Variants in LTBP4 observed in about 807,000 individuals in gnomAD.
LTBP4 encodes latent-transforming growth factor beta-binding protein 4.
Under a neutral mutation model 180.2 loss-of-function variants are expected in LTBP4, and 93 were observed. That is an observed-to-expected ratio of 0.52 (90% confidence interval 0.44 to 0.61). LTBP4 has a LOEUF of 0.61. Ranked by LOEUF, LTBP4 falls within the 20% of genes least tolerant of loss-of-function variation. LTBP4 has a pLI of 0.00. For synonymous variants in LTBP4, 947 were observed against 934.5 expected (o/e 1.01, Z -0.24); for missense variants, 2,116 against 2,256.5 (o/e 0.94, Z 1.26).
At chr19:40,607,286 ATTCCCCTCTC>A in intron 6 of LTBP4, 69 bp from the exon 7 acceptor site, 8 of 324,226 alleles carry the variant, frequency 2.5e-5, no homozygotes, top group East Asian at 2.4e-4. Flanking sequence ...CCCCAGAACC[ATTCCCCTCTC>A]TCCCAAATCC....
At chr19:40,623,563 C>T (rs1430991300) in intron 24 of LTBP4, 41 bp from the exon 25 acceptor site, 1 of 1,593,732 alleles carries the variant, frequency 6.3e-7, no homozygotes, top group Non-Finnish European at 8.6e-7. Context: ...ACACTCCACC[C>T]ATCCAGCCCG....
At position 40,613,883 on chromosome 19, in the gene LTBP4, G is replaced by A. The variant is rs763688836; in HGVS notation, c.2558-33G>A. On this transcript the variant is annotated intron_variant, in intron 17 of 29. Transcript: ENST00000396819. The surrounding 1 kb of genome is among the most constrained non-coding windows in gnomAD (Gnocchi z 5.0). ...CCTAGAATGTTAGGCGGAGCGGGAG[G>A]TGGGCCGGGCCTTCGGACGCCCTGT... 1 of 1,612,848 alleles carries A rather than the reference G, an allele frequency of 6.2e-7. No individual in the cohort carries two copies. Among genetic ancestry groups the A allele is most frequent in the South Asian group, 1.1e-5 (1 of 91,026 alleles).
In LTBP4 at chr19:40,629,407, T is replaced by C. The variant is rs1433661708; in HGVS notation, c.4531T>C (p.Cys1511Arg). The change falls in exon 30 of 30, where the codon TGT (cysteine) becomes CGT (arginine). Residue 1511 changes from cysteine to arginine, a missense_variant. Transcript: ENST00000396819. The surrounding 1 kb of genome is among the most constrained non-coding windows in gnomAD (Gnocchi z 4.5). Reference protein sequence around the residue: ...TRMACVDINECDEAEAASPLC... With the variant: ...TRMACVDINERDEAEAASPLC... ...TCTCCCCTCCGCAGACATCAACGAG[T>C]GTGATGAGGCCGAGGCTGCCTCCCC... 3.1e-6 allele frequency: 5 copies of C among 1,612,902 alleles called. No individual in the cohort carries two copies. Among genetic ancestry groups the C allele is most frequent in the Non-Finnish European group, 4.2e-6 (5 of 1,179,608 alleles).
Position 40,611,465 on chromosome 19 carries a change from C to A in LTBP4, c.2053+71C>A, listed in dbSNP as rs1051826563. ...AGACTGGAGAGAGATTATTGAGGGG[C>A]AGAGAGGCAGAGTGATGGGGCTCAG... On this transcript the variant is annotated intron_variant, in intron 13 of 29. Coordinates refer to ENST00000396819, the MANE Select transcript of LTBP4 (RefSeq NM_001042545.2). The surrounding 1 kb of genome is among the most constrained non-coding windows in gnomAD (Gnocchi z 4.4). The A allele has an allele frequency of 3.3e-6, 5 of 1,530,688 alleles. No individual in the cohort carries two copies. The highest frequency in any genetic ancestry group is 4.4e-6 in the Non-Finnish European group (5 of 1,143,362). The allele number at this position is 1,530,688 out of a possible 1,614,324, so 94.8% of individuals were successfully genotyped here.
chr19:40,604,977 C>A (rs1387069183), intron 1 of LTBP4, 58 bp from the exon 2 acceptor site: 2 of 1,495,836 alleles, frequency 1.3e-6, no homozygotes, highest in Non-Finnish European at 1.8e-6. Flanking sequence ...GGAGTAGGGA[C>A]CCCAGGAGAA....
rs745497581 is a variant in LTBP4, at chr19:40,609,618, C to T, written c.1515C>T (p.Cys505=). 1.2e-6 allele frequency: 2 copies of T among 1,613,200 alleles called. No individual in the cohort carries two copies. The highest frequency in any genetic ancestry group is 1.7e-6 in the Non-Finnish European group (2 of 1,179,818). Residue 505 remains cysteine, a synonymous_variant, in exon 10 of 30, where the codon TGC becomes TGT. Transcript: ENST00000396819. The surrounding 1 kb of genome is among the most constrained non-coding windows in gnomAD (Gnocchi z 4.9). ...ISRPSGYTCA[C]DSGFRLSPQG... ...GGCCCAGCGGCTACACCTGCGCTTG[C>T]GACTCTGGCTTCCGGCTCAGCCCCC...
chr19:40,610,645 G>A lies in LTBP4; in HGVS notation c.1798G>A (p.Ala600Thr). 2 of 1,582,894 alleles carry A rather than the reference G, an allele frequency of 1.3e-6. No homozygotes were observed. Among genetic ancestry groups the A allele is most frequent in the South Asian group, 1.1e-5 (1 of 89,294 alleles). The change falls in exon 12 of 30, where the codon GCC becomes ACC. Residue 600 changes from alanine (A) to threonine (T), a missense_variant. Ala to Thr is a moderately conservative substitution (Grantham distance 58, BLOSUM62 0). This residue lies in a region of LTBP4 where 877 missense variants were observed against 873.6 expected (regional missense o/e 1.00). Coordinates refer to ENST00000396819, the MANE Select transcript of LTBP4 (RefSeq NM_001042545.2). Reference protein sequence around the residue: ...PAGYQAAPHGASCQDVDECTQ... With the variant: ...PAGYQAAPHGTSCQDVDECTQ... ...CGGGTACCAGGCTGCACCGCACGGA[G>A]CCAGCTGCCAGGGTGAGGGCCTGGG...
chr19:40,625,286 A>ATT lies in LTBP4; in HGVS notation c.3833-570_3833-569insTT, dbSNP rs2081620989. 7.2e-4 allele frequency among the ~76,000 whole-genome samples: 4 copies of ATT among 5,536 alleles called. 1 individual carries two copies. Among genetic ancestry groups the ATT allele is most frequent in the East Asian group, 5.6e-3 (2 of 356 alleles). 3.6% of individuals were successfully genotyped at this position (5,536 alleles called of 152,430 possible). On this transcript the variant is annotated intron_variant, in intron 26 of 29. Transcript: ENST00000396819. ...TATATATATATATATATATATATAT[A>ATT]TATATATATATATATATATATATAT...
chr19:40,626,071 C>T, intron 27 of LTBP4, 62 bp downstream of exon 27: 1 of 1,495,648 alleles, frequency 6.7e-7, no homozygotes, highest in South Asian at 1.3e-5. Flanking sequence ...AATCTAGGCC[C>T]TCAGATCCCC....
chr19:40,629,500 G>T lies in LTBP4; in HGVS notation c.4624G>T (p.Ala1542Ser). ...CCGCTGCATCTGCCGCCCGGGATTC[G>T]CACCCACGCACCAGCCGCACCACTG... ...SFRCICRPGFAPTHQPHHCAP... is the reference protein window; with the variant it reads ...SFRCICRPGFSPTHQPHHCAP... The change falls in exon 30 of 30, where the codon GCA (alanine) becomes TCA (serine). Residue 1542 changes from alanine to serine, a missense_variant. Ala to Ser is a moderately conservative substitution (Grantham distance 99). This residue lies in a region of LTBP4 where 488 missense variants were observed against 458.8 expected (regional missense o/e 1.06). Transcript: ENST00000396819. The surrounding 1 kb of genome is among the most constrained non-coding windows in gnomAD (Gnocchi z 4.5). 6.2e-7 allele frequency: 1 copy of T among 1,600,226 alleles called. No individual in the cohort carries two copies.
In LTBP4 at chr19:40,609,883, GC is replaced by G; in HGVS notation, c.1684+16del. ...TGCGGAATGCCTGGGTGAGAAATTT[GC>G]CCCACCCGGCTCCAGGCCCACCCCA... On this transcript the variant is annotated intron_variant, in intron 11 of 29. Transcript: ENST00000396819. This position sits in a 1 kb window ranked among gnomAD's most constrained non-coding sequence, Gnocchi z 4.9. The G allele has an allele frequency of 6.6e-7, 1 of 1,525,032 alleles. No individual in the cohort carries two copies. The highest frequency in any genetic ancestry group is 8.8e-7 in the Non-Finnish European group (1 of 1,133,002). The allele number at this position is 1,525,032 out of a possible 1,614,324, so 94.5% of individuals were successfully genotyped here. A position where few individuals can be genotyped will look rare whatever the true frequency, so the allele number is the denominator to read the frequency against.
Position 40,605,514 on chromosome 19 carries a change from G to A in LTBP4, c.552G>A (p.Ala184=), listed in dbSNP as rs779958782. The A allele has an allele frequency of 4.3e-6, 7 of 1,609,354 alleles. No individual in the cohort carries two copies. The highest frequency in any genetic ancestry group is 5.1e-6 in the Non-Finnish European group (6 of 1,178,644). ...CTTGGGAGGAGGCGGACGCTGAGGC[G>A]GTGGCGCGGGCGGAAGCGGCGGCGC... ...SGPWEEADAE[A]VARAEAAARA... The change falls in exon 3 of 30, where the codon GCG becomes GCA. Residue 184 remains alanine (A), a synonymous_variant. Transcript: ENST00000396819. This position sits in a 1 kb window ranked among gnomAD's most constrained non-coding sequence, Gnocchi z 5.5.
Position 40,613,872 on chromosome 19 carries a change from C to T in LTBP4, c.2558-44C>T, listed in dbSNP as rs763358116. The T allele has an allele frequency of 2.5e-6, 4 of 1,611,764 alleles. No homozygotes were observed. Among genetic ancestry groups the T allele is most frequent in the Admixed American group, 1.7e-5 (1 of 59,864 alleles). On this transcript the variant is annotated intron_variant, in intron 17 of 29. Coordinates refer to ENST00000396819, the MANE Select transcript of LTBP4 (RefSeq NM_001042545.2). This position sits in a 1 kb window ranked among gnomAD's most constrained non-coding sequence, Gnocchi z 5.0. ...GAGGGGTGTGGCCTAGAATGTTAGG[C>T]GGAGCGGGAGGTGGGCCGGGCCTTC...
chr19:40,605,216 C>T lies in LTBP4; in HGVS notation c.432C>T (p.Asp144=), dbSNP rs1186269209. 6.3e-7 allele frequency: 1 copy of T among 1,594,760 alleles called. No homozygotes were observed. The highest frequency in any genetic ancestry group is 1.8e-5 in the Admixed American group (1 of 56,898). The change falls in exon 2 of 30, where the codon GAC becomes GAT. Residue 144 remains aspartate, a synonymous_variant. Transcript: ENST00000396819. This position sits in a 1 kb window ranked among gnomAD's most constrained non-coding sequence, Gnocchi z 5.5. ...VYTMPLANHR[D]DEHGVASMVS... ...CTATGCCACTGGCCAACCACCGCGACGACGAGCACGGTGAGGAAAGGGTGG... is the reference window on the plus strand; with the variant it reads ...CTATGCCACTGGCCAACCACCGCGATGACGAGCACGGTGAGGAAAGGGTGG...
chr19:40,614,166 T>C (rs923966442), intron 18 of LTBP4, 128 bp downstream of exon 18: 4 of 1,370,656 alleles, frequency 2.9e-6, no homozygotes, highest in Admixed American at 3.8e-5. Flanking sequence ...CCTCCTCTCC[T>C]AGCCTCCCCA....
At chr19:40,601,018 C>T (rs2081419248), upstream of LTBP4, among the ~76,000 whole-genome samples, 1 of 152,188 alleles carries the variant, frequency 6.6e-6, no homozygotes, top group Non-Finnish European at 1.5e-5. Flanking sequence ...TAGCTGTCTC[C>T]CCAAATGTGG....
intron 1 of LTBP4, among the ~76,000 whole-genome samples, chr19:40,593,602 A>G (rs913112467): frequency 6.6e-6 from 1 of 150,864 alleles, no homozygotes; most frequent in South Asian, 2.1e-4. Flanking sequence ...GGATATTGGC[A>G]TGTTAGGAAA....
chr19:40,625,295 TATATATATATATATATATATA>T lies in LTBP4; in HGVS notation c.3833-561_3833-541del, dbSNP rs1568414524. On this transcript the variant is annotated intron_variant, in intron 26 of 29. Transcript: ENST00000396819. ...ATATATATATATATATATATATATA[TATATATATATATATATATATA>T]TTTTTTTTTTTAAAGATGGGTTTTT... Among the ~76,000 whole-genome samples the T allele has an allele frequency of 2.1e-3, 31 of 15,024 alleles. 8 individuals are homozygous for T. Among genetic ancestry groups the T allele is most frequent in the South Asian group, 0.011 (5 of 474 alleles). The allele number at this position is 15,024 out of a possible 152,430, so 9.9% of individuals were successfully genotyped here. A position where few individuals can be genotyped will look rare whatever the true frequency, so the allele number is the denominator to read the frequency against.
chr19:40,595,400 C>G (rs1357712444), intron 1 of LTBP4, among the ~76,000 whole-genome samples: 1 of 152,132 alleles, frequency 6.6e-6, no homozygotes, highest in African/African-American at 2.4e-5. Flanking sequence ...CCCCGAAGCT[C>G]TGTCCCTCAG....
Sources: gnomAD v4.1 joint callset for allele counts (sites outside exome capture counted in the v4.1 genomes callset) on GRCh38, gnomAD v4.1.1 for gene constraint, gnomAD v4.1.1 regional missense constraint, Gnocchi (gnomAD v3.1) non-coding constraint, MANE v1.5 for transcripts, NCBI Gene and HGNC (gene_info 2026-07-23, HGNC 2026-07-21) for gene names.